CACNG2: variants seen among roughly 807,000 people sequenced by gnomAD.
CACNG2 encodes voltage-dependent calcium channel gamma-2 subunit.
A neutral mutation model predicts 25.9 loss-of-function variants in CACNG2; 3 were observed. The ratio of observed to expected loss-of-function variants is 0.12; its 90% CI spans 0.05 to 0.30. The LOEUF (loss-of-function observed/expected upper bound fraction) is 0.30. Among genes scored for constraint, CACNG2 ranks in the 10% least tolerant of loss-of-function variants. The pLI is 1.00. For synonymous variants in CACNG2, 167 were observed against 173.3 expected, an observed-to-expected ratio of 0.96 and a Z score of 0.29; for missense variants, 341 against 432.5, an observed-to-expected ratio of 0.79 and a Z score of 1.88.
intron 1 of CACNG2, among the ~76,000 whole-genome samples, chr22:36,688,809 C>T (rs549340071): frequency 6.6e-6 from 1 of 152,290 alleles, no homozygotes; most frequent in East Asian, 1.9e-4. Context: ...TCAGCCTCAC[C>T]TGAGCACCAG....
chr22:36,566,642 G>T, intron 2 of CACNG2, 149 bp from the exon 3 acceptor site: 1 of 871,904 alleles, frequency 1.1e-6, no homozygotes, highest in Non-Finnish European at 1.8e-6. Flanking sequence ...TAGGGAGGGA[G>T]AGACAGCGAG....
At chr22:36,571,554 A>G (rs1394470728) in intron 2 of CACNG2, among the ~76,000 whole-genome samples, 1 of 151,886 alleles carries the variant, frequency 6.6e-6, no homozygotes, top group East Asian at 1.9e-4. Context: ...ATTTGCATGC[A>G]TATGAAAGTT....
chr22:36,641,899 T>C (rs756230404), intron 1 of CACNG2, among the ~76,000 whole-genome samples: 17 of 152,262 alleles, frequency 1.1e-4, no homozygotes, highest in Non-Finnish European at 1.9e-4. Flanking sequence ...ATTGGCTTAA[T>C]CTTTAGCATT....
At chr22:36,579,549 C>T (rs1488842064) in intron 2 of CACNG2, among the ~76,000 whole-genome samples, 2 of 151,910 alleles carry the variant, frequency 1.3e-5, no homozygotes, top group African/African-American at 4.8e-5. Context: ...CCTAAGTGGT[C>T]TCCCTCTCCT....
chr22:36,632,895 G>C (rs537781891), intron 1 of CACNG2, among the ~76,000 whole-genome samples: 1 of 152,014 alleles, frequency 6.6e-6, no homozygotes, highest in East Asian at 1.9e-4. Flanking sequence ...CTTTTCCTGG[G>C]CTATAAGACC....
At chr22:36,602,909 T>G (rs1443427358) in intron 1 of CACNG2, among the ~76,000 whole-genome samples, 1 of 152,078 alleles carries the variant, frequency 6.6e-6, no homozygotes, top group Non-Finnish European at 1.5e-5. Flanking sequence ...ATACTGAAAT[T>G]AGGGCAATTA....
At chr22:36,631,077 C>T (rs995512375) in intron 1 of CACNG2, among the ~76,000 whole-genome samples, 4 of 152,188 alleles carry the variant, frequency 2.6e-5, no homozygotes, top group South Asian at 4.1e-4. Context: ...GATCCACCCG[C>T]CTCGGCCTCC....
chr22:36,596,037 C>T (rs375238840), intron 1 of CACNG2, among the ~76,000 whole-genome samples: 1 of 152,226 alleles, frequency 6.6e-6, no homozygotes, highest in East Asian at 1.9e-4. Flanking sequence ...CAATAAGCTC[C>T]TCATAAACCT....
intron 1 of CACNG2, among the ~76,000 whole-genome samples, chr22:36,598,062 T>C (rs1794862525): frequency 6.6e-6 from 1 of 152,262 alleles, no homozygotes; most frequent in South Asian, 2.1e-4. Flanking sequence ...ATGTGTCTTA[T>C]AATTCACGGG....
At chr22:36,667,340 G>T (rs145408644) in intron 1 of CACNG2, among the ~76,000 whole-genome samples, 7 of 152,086 alleles carry the variant, frequency 4.6e-5, no homozygotes, top group Non-Finnish European at 7.4e-5. Flanking sequence ...CTTCTTTTGC[G>T]CTGCACTGAG....
At chr22:36,680,495 C>T (rs1276359935) in intron 1 of CACNG2, among the ~76,000 whole-genome samples, 1 of 144,578 alleles carries the variant, frequency 6.9e-6, no homozygotes, top group East Asian at 2.2e-4. Flanking sequence ...GTCATTATTA[C>T]CACCATCAAT....
At chr22:36,649,220 G>A (rs1936572047) in intron 1 of CACNG2, among the ~76,000 whole-genome samples, 1 of 152,168 alleles carries the variant, frequency 6.6e-6, no homozygotes. Context: ...GCACAGACCA[G>A]AAAGCTCAGA....
rs370599796 is a variant in CACNG2, at chr22:36,687,412, C to G, written c.211+14954G>C. On this transcript the variant is annotated intron_variant, in intron 1 of 3. Coordinates refer to ENST00000300105, the MANE Select transcript of CACNG2 (RefSeq NM_006078.5). Reference sequence around the variant, plus strand: ...CAAGGTTGTGACACTAGGTTGTGAACAAACTCTTTGTCTTATTTAAACCAC... The same window carrying G: ...CAAGGTTGTGACACTAGGTTGTGAAGAAACTCTTTGTCTTATTTAAACCAC... Among the ~76,000 whole-genome samples the G allele has an allele frequency of 5.3e-5, 8 of 152,312 alleles. 1 individual carries two copies. The South Asian group carries it at 8.3e-4, about 16-fold the overall frequency.
chr22:36,631,196 G>C (rs571001850), intron 1 of CACNG2, among the ~76,000 whole-genome samples: 18 of 152,268 alleles, frequency 1.2e-4, no homozygotes, highest in African/African-American at 2.9e-4. Flanking sequence ...AGATGAGAGA[G>C]GCGAGGACAA....
At chr22:36,624,647 C>A (rs535229316) in intron 1 of CACNG2, among the ~76,000 whole-genome samples, 5 of 152,260 alleles carry the variant, frequency 3.3e-5, no homozygotes, top group African/African-American at 1.2e-4. Context: ...TGGGAAAGGT[C>A]TAATGAACAC....
chr22:36,584,907 C>T (rs1168038318), intron 2 of CACNG2: 1 of 152,364 alleles, frequency 6.6e-6, no homozygotes, highest in East Asian at 1.9e-4. Flanking sequence ...CTCAGGCCCT[C>T]TCCACCCCAG....
chr22:36,685,804 C>T (rs1473922419), intron 1 of CACNG2, among the ~76,000 whole-genome samples: 1 of 152,358 alleles, frequency 6.6e-6, no homozygotes, highest in South Asian at 2.1e-4. Flanking sequence ...TCCCTTCCTC[C>T]GTCCATCTTT....
Position 36,680,894 on chromosome 22 carries a change from C to T in CACNG2, c.211+21472G>A, listed in dbSNP as rs1937113042. ...TCACTATCACCACCACCACCATCAC[C>T]ATCATCACCACCACCAGCAGCACAT... On this transcript the variant is annotated intron_variant, in intron 1 of 3. Coordinates refer to ENST00000300105, the MANE Select transcript of CACNG2 (RefSeq NM_006078.5). Among the ~76,000 whole-genome samples, 6 of 151,610 alleles carry T rather than the reference C, an allele frequency of 4.0e-5. No individual in the cohort carries two copies. In the South Asian group the frequency reaches 1.3e-3, roughly 32 times the overall value.
At chr22:36,664,188 C>T (rs148150795) in intron 1 of CACNG2, among the ~76,000 whole-genome samples, 12 of 151,608 alleles carry the variant, frequency 7.9e-5, no homozygotes, top group Admixed American at 3.3e-4. Context: ...ATAACTGAAA[C>T]GTTTATAGTA....
Sources: gnomAD v4.1 joint callset for allele counts (sites outside exome capture counted in the v4.1 genomes callset) on GRCh38, gnomAD v4.1.1 for gene constraint, MANE v1.5 for transcripts, NCBI Gene and HGNC (gene_info 2026-07-23, HGNC 2026-07-21) for gene names.